Variants in DYNLRB1 observed in about 807,000 individuals in gnomAD.
The protein encoded by DYNLRB1 is dynein light chain roadblock-type 1.
DYNLRB1 carries 6 observed loss-of-function variants against 13.5 expected under a neutral mutation model. That is an observed-to-expected ratio of 0.44 (90% CI 0.24 to 0.88). The LOEUF is 0.88. DYNLRB1 is among the 40% of genes least tolerant of loss of function. DYNLRB1 has a pLI of 0.21. For missense variants in DYNLRB1, 93 were observed against 127.2 expected (o/e 0.73, Z 1.29); for synonymous variants, 43 against 45.0 (o/e 0.96, Z 0.18).
At chr20:34,518,560 G>A (rs767645646) in intron 1 of DYNLRB1, among the ~76,000 whole-genome samples, 1 of 148,146 alleles carries the variant, frequency 6.8e-6, no homozygotes, top group Non-Finnish European at 1.5e-5. Flanking sequence ...TGATCCTCCT[G>A]CCTTAATTCC....
rs767563435 is a variant in DYNLRB1 at position 34,526,369 on chromosome 20, C to G, written c.79+26C>G. On this transcript the variant is annotated intron_variant, in intron 2 of 3. Coordinates refer to ENST00000357156, the MANE Select transcript of DYNLRB1 (RefSeq NM_014183.4). ...GTACGCCCTCCCTCCCGCCATGACC[C>G]GCACCCAGGCAGGCCCAGAAGCAGC... is the stretch of plus-strand genomic sequence containing the variant. 8 of 1,612,702 alleles carry G rather than the reference C, an allele frequency of 5.0e-6. No homozygotes were observed. The Admixed American group carries it at 1.2e-4, about 24-fold the overall frequency.
At chr20:34,531,865 A>C (rs1056663317) in intron 2 of DYNLRB1, among the ~76,000 whole-genome samples, 2 of 152,246 alleles carry the variant, frequency 1.3e-5, no homozygotes, top group African/African-American at 4.8e-5. Flanking sequence ...CAAAGTGGAA[A>C]TCATGAGTGA....
intron 1 of DYNLRB1, among the ~76,000 whole-genome samples, chr20:34,524,272 T>C (rs1979996869): frequency 6.6e-6 from 1 of 152,234 alleles, no homozygotes; most frequent in South Asian, 2.1e-4. Context: ...CAAAGCACTT[T>C]ATTTTTGCAT....
At chr20:34,516,666 C>T in intron 1 of DYNLRB1, 1 of 1,465,264 alleles carries the variant, frequency 6.8e-7, no homozygotes, top group Non-Finnish European at 9.0e-7. Flanking sequence ...GCCGCCGGAT[C>T]CCGCTGCCCC....
chr20:34,534,395 C>T (rs1208487130), intron 2 of DYNLRB1, among the ~76,000 whole-genome samples: 2 of 152,232 alleles, frequency 1.3e-5, no homozygotes, highest in Non-Finnish European at 2.9e-5. Flanking sequence ...TCACTCAGAG[C>T]TCCTGTTGCC....
Position 34,534,722 on chromosome 20 carries a change from T to C in DYNLRB1, c.174T>C (p.Arg58=). The C allele has an allele frequency of 6.2e-7, 1 of 1,613,832 alleles. No homozygotes were observed. The highest frequency in any genetic ancestry group is 8.5e-7 in the Non-Finnish European group (1 of 1,179,776). The change falls in exon 3 of 4, where the codon CGT becomes CGC. Residue 58 remains arginine, a synonymous_variant. Transcript: ENST00000357156. Reference sequence around the variant, plus strand: ...TCCTGAAGGCACGGAGCACCGTGCGTGACATCGACCCCCAGAACGATCTCA... The same window carrying C: ...TCCTGAAGGCACGGAGCACCGTGCGCGACATCGACCCCCAGAACGATCTCA... The part of the protein sequence containing the change: ...SFILKARSTV[R]DIDPQNDLTF...
intron 1 of DYNLRB1, among the ~76,000 whole-genome samples, chr20:34,521,782 C>A (rs1346972778): frequency 6.6e-6 from 1 of 152,192 alleles, no homozygotes; most frequent in African/African-American, 2.4e-5. Flanking sequence ...AATGGTGGCT[C>A]ACGCCTGTAG....
intron 2 of DYNLRB1, among the ~76,000 whole-genome samples, chr20:34,529,270 G>T (rs1001645793): frequency 6.6e-6 from 1 of 152,242 alleles, no homozygotes; most frequent in South Asian, 2.1e-4. Flanking sequence ...CTCTAGCCCA[G>T]TGTATTCAGT....
At chr20:34,527,439 G>A (rs910139937) in intron 2 of DYNLRB1, among the ~76,000 whole-genome samples, 3 of 152,158 alleles carry the variant, frequency 2.0e-5, no homozygotes, top group Middle Eastern at 3.2e-3. Context: ...GTACAGTATC[G>A]TCACCATCTG....
At chr20:34,519,286 C>T (rs775885281) in intron 1 of DYNLRB1, among the ~76,000 whole-genome samples, 7 of 152,162 alleles carry the variant, frequency 4.6e-5, no homozygotes, top group East Asian at 3.8e-4. Context: ...CTTACTACCC[C>T]GTGGCAACTT....
At chr20:34,534,379 G>A (rs1188042929) in intron 2 of DYNLRB1, among the ~76,000 whole-genome samples, 2 of 152,186 alleles carry the variant, frequency 1.3e-5, no homozygotes, top group Non-Finnish European at 2.9e-5. Context: ...CAGACAGGTC[G>A]CCTCATCACT....
intron 3 of DYNLRB1, chr20:34,536,176 G>A: frequency 4.1e-6 from 4 of 985,444 alleles, no homozygotes; most frequent in Non-Finnish European, 4.8e-6. Flanking sequence ...TGTAATGCCT[G>A]ATCCATCGGG....
At chr20:34,522,476 T>C (rs982065595) in intron 1 of DYNLRB1, among the ~76,000 whole-genome samples, 11 of 135,594 alleles carry the variant, frequency 8.1e-5, no homozygotes, top group East Asian at 6.2e-4. Context: ...TTTCTTTTTT[T>C]TTTTTTTTTT....
chr20:34,536,699 C>T (rs535562309), intron 3 of DYNLRB1, among the ~76,000 whole-genome samples: 22 of 149,938 alleles, frequency 1.5e-4, no homozygotes, highest in African/African-American at 5.2e-4. Context: ...GAGCTGAGAT[C>T]GCGCCACTGC....
intron 3 of DYNLRB1, chr20:34,536,615 C>T (rs1016184810): frequency 3.0e-6 from 1 of 332,218 alleles, no homozygotes; most frequent in African/African-American, 2.2e-5. Context: ...CATGGTGGCG[C>T]ACACCTGTAA....
chr20:34,525,188 C>T (rs956625599), intron 1 of DYNLRB1, among the ~76,000 whole-genome samples: 4 of 152,078 alleles, frequency 2.6e-5, no homozygotes, highest in African/African-American at 4.8e-5. Flanking sequence ...GATCCCCCCC[C>T]CCATTTCTTT....
In DYNLRB1 at chr20:34,528,336, A is replaced by C. The variant is rs185152136; in HGVS notation, c.79+1993A>C. 4.3e-4 allele frequency among the ~76,000 whole-genome samples: 63 copies of C among 145,012 alleles called. 13 individuals are homozygous for C. Among genetic ancestry groups the C allele is most frequent in the Non-Finnish European group, 7.8e-4 (50 of 64,158 alleles). ...CAAAAAAAAAAAAAAAAAAAAAAAA[A>C]AAAAAAAACTACCCTACTGGAGTTT... On this transcript the variant is annotated intron_variant, in intron 2 of 3. Transcript: ENST00000357156.
At chr20:34,539,137 A>G (rs1981395025) in intron 3 of DYNLRB1, among the ~76,000 whole-genome samples, 1 of 152,246 alleles carries the variant, frequency 6.6e-6, no homozygotes, top group Non-Finnish European at 1.5e-5. Flanking sequence ...AATCGGTAAC[A>G]TCAGTGTCTT....
chr20:34,528,541 A>G (rs1014661179), intron 2 of DYNLRB1, among the ~76,000 whole-genome samples: 1 of 152,160 alleles, frequency 6.6e-6, no homozygotes, highest in East Asian at 1.9e-4. Flanking sequence ...AAATGAACCA[A>G]CCACAGTGGG....
Sources: allele counts gnomAD v4.1 joint callset (sites outside exome capture counted in the v4.1 genomes callset), GRCh38; gene constraint gnomAD v4.1.1; transcripts MANE v1.5; gene names NCBI Gene and HGNC (gene_info 2026-07-23, HGNC 2026-07-21).